Variants in HIVEP3 observed in about 807,000 individuals in gnomAD.
HIVEP3 encodes the protein transcription factor HIVEP3.
Under a neutral mutation model 152.8 loss-of-function variants are expected in HIVEP3, and 49 were observed. That is an observed-to-expected ratio of 0.32 (90% CI 0.26 to 0.41). The LOEUF (loss-of-function observed/expected upper bound fraction) is 0.41, where lower values mean the gene tolerates loss of function less well. Among genes scored for constraint, HIVEP3 ranks in the 10% least tolerant of loss-of-function variants. HIVEP3 has a pLI of 1.00. For missense variants in HIVEP3, 2,790 were observed against 3,103.3 expected (o/e 0.90, Z 2.40); for synonymous variants, 1,269 against 1,289.0 (o/e 0.98, Z 0.33).
chr1:41,517,409 G>T (rs1489057907), intron 7 of HIVEP3, among the ~76,000 whole-genome samples: 1 of 152,208 alleles, frequency 6.6e-6, no homozygotes, highest in African/African-American at 2.4e-5. Context: ...CTTTGGGGGG[G>T]AACAGCCCCA....
chr1:41,621,596 C>G (rs929387283), intron 3 of HIVEP3, among the ~76,000 whole-genome samples: 1 of 152,234 alleles, frequency 6.6e-6, no homozygotes, highest in Non-Finnish European at 1.5e-5. Flanking sequence ...CTCACTGCAG[C>G]CTCCGTCTCC....
At chr1:41,844,898 G>A (rs1643392861) in intron 1 of HIVEP3, among the ~76,000 whole-genome samples, 2 of 152,194 alleles carry the variant, frequency 1.3e-5, no homozygotes, top group African/African-American at 4.8e-5. Flanking sequence ...TTTGGGTCCT[G>A]AGGGAGGCCA....
intron 1 of HIVEP3, among the ~76,000 whole-genome samples, chr1:41,886,675 G>A (rs1644351562): frequency 7.6e-6 from 1 of 130,874 alleles, no homozygotes. Flanking sequence ...TCGCGCCATT[G>A]CACTCCAGCC....
At chr1:41,908,873 G>C (rs1279344617) in intron 1 of HIVEP3, among the ~76,000 whole-genome samples, 1 of 152,172 alleles carries the variant, frequency 6.6e-6, no homozygotes, top group African/African-American at 2.4e-5. Flanking sequence ...ACGGGAAGAG[G>C]AGACAGGATA....
chr1:41,852,537 A>C (rs1643633550), intron 1 of HIVEP3, among the ~76,000 whole-genome samples: 1 of 152,092 alleles, frequency 6.6e-6, no homozygotes, highest in Non-Finnish European at 1.5e-5. Flanking sequence ...TCTACACTCC[A>C]CTCCCAAAAG....
At chr1:41,888,266 A>C (rs372430389) in intron 1 of HIVEP3, among the ~76,000 whole-genome samples, 2 of 132,964 alleles carry the variant, frequency 1.5e-5, no homozygotes, top group Non-Finnish European at 3.1e-5. Flanking sequence ...GTTAGCCAGG[A>C]TGGTCTCAAT....
chr1:41,571,190 A>G (rs1644247439), intron 5 of HIVEP3, among the ~76,000 whole-genome samples: 1 of 152,140 alleles, frequency 6.6e-6, no homozygotes, highest in Non-Finnish European at 1.5e-5. Context: ...ACACCACCCA[A>G]CTGGGCTTGG....
chr1:42,029,940 T>C (rs996207234), intron 1 of HIVEP3, among the ~76,000 whole-genome samples: 3 of 152,260 alleles, frequency 2.0e-5, no homozygotes, highest in African/African-American at 4.8e-5. Context: ...GCTACAACGC[T>C]GTTTCCACCA....
At chr1:41,681,015 T>A (rs76730011) in intron 2 of HIVEP3, among the ~76,000 whole-genome samples, 6,859 of 152,218 alleles carry the variant, frequency 0.045, 249 homozygotes, top group Middle Eastern at 0.11. Context: ...TATTCCCAAT[T>A]TGCAGATGAG....
intron 1 of HIVEP3, among the ~76,000 whole-genome samples, chr1:41,718,735 C>T (rs999585812): frequency 2.0e-5 from 3 of 151,892 alleles, no homozygotes; most frequent in African/African-American, 7.3e-5. Flanking sequence ...CCATTCCCTC[C>T]TCTGTCTCTG....
intron 6 of HIVEP3, among the ~76,000 whole-genome samples, chr1:41,523,465 G>C (rs1304087680): frequency 6.6e-6 from 1 of 152,154 alleles, no homozygotes; most frequent in Admixed American, 6.5e-5. Context: ...TGATGGCGAG[G>C]GGACAGAGGA....
At chr1:41,728,774 C>A (rs1646794499) in intron 1 of HIVEP3, among the ~76,000 whole-genome samples, 1 of 152,208 alleles carries the variant, frequency 6.6e-6, no homozygotes, top group Non-Finnish European at 1.5e-5. Context: ...AAGGGGTGGG[C>A]ATGGTTCTTG....
intron 1 of HIVEP3, among the ~76,000 whole-genome samples, chr1:41,896,645 G>A (rs1390280249): frequency 6.6e-6 from 1 of 151,434 alleles, no homozygotes; most frequent in Non-Finnish European, 1.5e-5. Context: ...TGCGATCTCG[G>A]GTCACCGCAA....
At chr1:41,593,947 C>T (rs1324976540) in intron 3 of HIVEP3, among the ~76,000 whole-genome samples, 1 of 152,094 alleles carries the variant, frequency 6.6e-6, no homozygotes, top group Non-Finnish European at 1.5e-5. Context: ...TGGAAGGCTC[C>T]CCTTCCACCT....
At chr1:41,808,306 G>C (rs1338410181) in intron 1 of HIVEP3, among the ~76,000 whole-genome samples, 1 of 152,226 alleles carries the variant, frequency 6.6e-6, no homozygotes, top group East Asian at 1.9e-4. Context: ...TGCCTTTCCT[G>C]CTCCCCAGAA....
At chr1:41,576,623 C>T (rs1186141968) in intron 4 of HIVEP3, among the ~76,000 whole-genome samples, 1 of 152,190 alleles carries the variant, frequency 6.6e-6, no homozygotes, top group Non-Finnish European at 1.5e-5. Flanking sequence ...ACCACATTTC[C>T]TGATGCTGGG....
At chr1:41,747,405 G>T (rs4284254) in intron 1 of HIVEP3, among the ~76,000 whole-genome samples, 3 of 152,088 alleles carry the variant, frequency 2.0e-5, no homozygotes, top group Non-Finnish European at 4.4e-5. Flanking sequence ...TACCTCCAAA[G>T]CTACTGGCAA....
chr1:41,789,375 A>G (rs1301934575), intron 1 of HIVEP3, among the ~76,000 whole-genome samples: 1 of 152,230 alleles, frequency 6.6e-6, no homozygotes, highest in African/African-American at 2.4e-5. Context: ...ATATGCGTAC[A>G]AGGCATGAGT....
chr1:41,549,501 G>A (rs376892106), intron 5 of HIVEP3, among the ~76,000 whole-genome samples: 2 of 152,196 alleles, frequency 1.3e-5, no homozygotes, highest in South Asian at 2.1e-4. Context: ...CAGTGTAAAA[G>A]TGTTCCTATT....
Sources: allele counts gnomAD v4.1 joint callset (sites outside exome capture counted in the v4.1 genomes callset), GRCh38; gene constraint gnomAD v4.1.1; transcripts MANE v1.5; gene names NCBI Gene and HGNC (gene_info 2026-07-23, HGNC 2026-07-21).